PRKACB: variants seen among roughly 807,000 people sequenced by gnomAD.
PRKACB encodes the protein protein kinase cAMP-activated catalytic subunit beta.
In PRKACB, 16 loss-of-function variants were observed where a neutral mutation model predicts 51.4. The observed-to-expected ratio is 0.31, with a 90% CI of 0.21 to 0.47. The LOEUF is 0.47. PRKACB is among the 20% of genes least tolerant of loss of function. The pLI is 1.00. For missense variants in PRKACB, 309 were observed against 464.5 expected (o/e 0.67, Z 3.08); for synonymous variants, 147 against 154.4 (o/e 0.95, Z 0.35).
chr1:84,162,751 T>A (rs1656367567), intron 1 of PRKACB, among the ~76,000 whole-genome samples: 1 of 151,984 alleles, frequency 6.6e-6, no homozygotes, highest in Admixed American at 6.6e-5. Context: ...ATAATAGCTA[T>A]TTTAAAGTCT....
chr1:84,212,133 G>T (rs1672226575), intron 8 of PRKACB, among the ~76,000 whole-genome samples: 1 of 152,068 alleles, frequency 6.6e-6, no homozygotes, highest in Non-Finnish European at 1.5e-5. Flanking sequence ...TACTAGCATA[G>T]AAAATAAAAC....
At position 84,086,226 on chromosome 1, in the gene PRKACB, T is replaced by C. The variant is rs992335075; in HGVS notation, c.46+7855T>C. ...CTGGAGGCCTTCCTGAAGAAGCTGA[T>C]TGGCTGACAAGCAAGGACAAGTCCT... On this transcript the variant is annotated intron_variant, in intron 1 of 8. Transcript: ENST00000370688. The C allele has an allele frequency of 3.8e-6, 6 of 1,593,292 alleles. No individual in the cohort carries two copies. In the African/African-American group the frequency reaches 4.0e-5, roughly 11 times the overall value.
At chr1:84,134,581 C>A (rs12064286) in intron 1 of PRKACB, among the ~76,000 whole-genome samples, 4 of 151,630 alleles carry the variant, frequency 2.6e-5, no homozygotes, top group Admixed American at 2.6e-4. Context: ...AAAAAGGATT[C>A]TAAAGAGAGA....
chr1:84,194,397 A>G (rs144871025), intron 5 of PRKACB, among the ~76,000 whole-genome samples: 2,042 of 152,300 alleles, frequency 0.013, 56 homozygotes, highest in African/African-American at 0.045. Flanking sequence ...ACACTTGAAC[A>G]ATTGCCAGTG....
At chr1:84,101,659 T>C (rs114230922) in intron 1 of PRKACB, among the ~76,000 whole-genome samples, 2,766 of 152,240 alleles carry the variant, frequency 0.018, 40 homozygotes, top group South Asian at 0.036. Context: ...AAATTATAAA[T>C]ACAAGAGCCT....
chr1:84,135,123 G>A (rs938927065), intron 1 of PRKACB, among the ~76,000 whole-genome samples: 9 of 152,118 alleles, frequency 5.9e-5, no homozygotes, highest in African/African-American at 2.2e-4. Flanking sequence ...TGAAGTAGCT[G>A]TATACATTTC....
chr1:84,114,549 G>A (rs959161572), intron 1 of PRKACB, among the ~76,000 whole-genome samples: 9 of 152,004 alleles, frequency 5.9e-5, no homozygotes, highest in Non-Finnish European at 1.0e-4. Context: ...AGGGTATTTA[G>A]AGTGTCAGTC....
intron 9 of PRKACB, among the ~76,000 whole-genome samples, chr1:84,229,679 C>T (rs1161933113): frequency 1.3e-5 from 2 of 150,742 alleles, no homozygotes; most frequent in African/African-American, 2.4e-5. Context: ...TCTCTGATGG[C>T]CAGTGATGGT....
rs751434962 is a variant in PRKACB, at chr1:84,235,338, A to G, written c.*33A>G. The G allele has an allele frequency of 3.1e-6, 5 of 1,613,160 alleles. No individual in the cohort carries two copies. In the Admixed American group the frequency reaches 6.7e-5, roughly 22 times the overall value. ...CAAGATGACATCTGAGCTCACACTCAGTGTTTGCACTCTGTTGAGAGATAA... is the reference window on the plus strand; with the variant it reads ...CAAGATGACATCTGAGCTCACACTCGGTGTTTGCACTCTGTTGAGAGATAA... On this transcript the variant is annotated 3_prime_UTR_variant, in exon 10 of 10. Coordinates refer to ENST00000370685, the MANE Select transcript of PRKACB (RefSeq NM_182948.4).
chr1:84,122,116 T>C (rs1651135552), intron 1 of PRKACB, among the ~76,000 whole-genome samples: 1 of 152,118 alleles, frequency 6.6e-6, no homozygotes, highest in African/African-American at 2.4e-5. Context: ...CCTCCTGCCC[T>C]GAATGTGTTG....
At chr1:84,225,816 T>G (rs992427174) in intron 9 of PRKACB, among the ~76,000 whole-genome samples, 5 of 152,192 alleles carry the variant, frequency 3.3e-5, no homozygotes, top group Non-Finnish European at 7.4e-5. Context: ...GGAGAACCTC[T>G]TGTGGCTGCC....
At chr1:84,108,954 T>C (rs1376366680) in intron 1 of PRKACB, among the ~76,000 whole-genome samples, 4 of 152,188 alleles carry the variant, frequency 2.6e-5, no homozygotes, top group Middle Eastern at 3.4e-3. Context: ...TTGACAGGAT[T>C]GATTACATTT....
At chr1:84,196,953 C>T (rs1668388535) in intron 6 of PRKACB, among the ~76,000 whole-genome samples, 1 of 152,152 alleles carries the variant, frequency 6.6e-6, no homozygotes, top group South Asian at 2.1e-4. Flanking sequence ...TAGTTGTGAA[C>T]TGAGTATAGC....
rs553725950 is a variant in PRKACB, at chr1:84,148,865, C to G, written c.187+4317C>G. Among the ~76,000 whole-genome samples the G allele has an allele frequency of 8.9e-4, 136 of 152,206 alleles. 1 individual carries two copies. The highest frequency in any genetic ancestry group is 3.1e-3 in the African/African-American group (128 of 41,546). On this transcript the variant is annotated intron_variant, in intron 1 of 9. Coordinates refer to ENST00000370685, the MANE Select transcript of PRKACB (RefSeq NM_182948.4). ...TCAACTGTACTAACATAACGAGAAG[C>G]TTTTACTTGCTTGTGCTTTGCAAAA...
At chr1:84,219,826 C>T (rs1469766738) in intron 9 of PRKACB, among the ~76,000 whole-genome samples, 1 of 151,972 alleles carries the variant, frequency 6.6e-6, no homozygotes, top group South Asian at 2.1e-4. Context: ...TTTTATACCA[C>T]TACCATGCTG....
intron 9 of PRKACB, among the ~76,000 whole-genome samples, chr1:84,232,813 T>G (rs376173072): frequency 6.6e-6 from 1 of 151,952 alleles, no homozygotes; most frequent in Non-Finnish European, 1.5e-5. Flanking sequence ...TGTCTCTGCA[T>G]GTGAGATGGG....
chr1:84,100,112 C>A (rs1041573557), intron 1 of PRKACB, among the ~76,000 whole-genome samples: 23 of 152,198 alleles, frequency 1.5e-4, no homozygotes, highest in African/African-American at 5.1e-4. Flanking sequence ...AGGAAACTTA[C>A]ATTCATGGTA....
At chr1:84,136,573 C>T (rs1652847601) in intron 1 of PRKACB, among the ~76,000 whole-genome samples, 2 of 151,622 alleles carry the variant, frequency 1.3e-5, no homozygotes, top group South Asian at 2.1e-4. Flanking sequence ...AACTCTTTTT[C>T]GTTGCTGGTG....
At chr1:84,134,883 T>A (rs769435062) in intron 1 of PRKACB, among the ~76,000 whole-genome samples, 3 of 152,198 alleles carry the variant, frequency 2.0e-5, no homozygotes, top group Non-Finnish European at 2.9e-5. Context: ...CATATTGAAA[T>A]TATCACCCAG....
Sources: allele counts gnomAD v4.1 joint callset (sites outside exome capture counted in the v4.1 genomes callset), GRCh38; gene constraint gnomAD v4.1.1; transcripts MANE v1.5; gene names NCBI Gene and HGNC (gene_info 2026-07-23, HGNC 2026-07-21).